Variants in ZSWIM5 observed in about 807,000 individuals in gnomAD.
ZSWIM5 encodes the protein zinc finger SWIM domain-containing protein 5.
A neutral mutation model predicts 119.6 loss-of-function variants in ZSWIM5; 55 were observed. The observed-to-expected ratio is 0.46, with a 90% CI of 0.37 to 0.58. ZSWIM5 has a LOEUF of 0.58. Among genes scored for constraint, ZSWIM5 ranks in the 20% least tolerant of loss-of-function variants. ZSWIM5 has a pLI of 0.00. For missense variants in ZSWIM5, 1,193 were observed against 1,512.8 expected, an observed-to-expected ratio of 0.79 and a Z score of 3.51; for synonymous variants, 537 against 606.9, an observed-to-expected ratio of 0.88 and a Z score of 1.69.
intron 11 of ZSWIM5, among the ~76,000 whole-genome samples, chr1:45,032,820 G>C (rs1225956544): frequency 6.6e-6 from 1 of 151,662 alleles, no homozygotes; most frequent in East Asian, 1.9e-4. Flanking sequence ...GTACTTTAAG[G>C]GTTTTTTTTC....
intron 1 of ZSWIM5, among the ~76,000 whole-genome samples, chr1:45,129,392 C>T (rs1052593817): frequency 6.6e-6 from 1 of 151,816 alleles, no homozygotes; most frequent in African/African-American, 2.4e-5. Flanking sequence ...ATCCTGACCT[C>T]GTGATCCGCC....
At chr1:45,037,981 A>T (rs1044948251) in intron 8 of ZSWIM5, among the ~76,000 whole-genome samples, 4 of 152,236 alleles carry the variant, frequency 2.6e-5, no homozygotes, top group African/African-American at 9.6e-5. Context: ...ACAAAGATAA[A>T]GAAGTCATAA....
At chr1:45,127,749 C>G (rs1645630278) in intron 1 of ZSWIM5, among the ~76,000 whole-genome samples, 3 of 152,004 alleles carry the variant, frequency 2.0e-5, no homozygotes, top group South Asian at 2.1e-4. Flanking sequence ...CTGTACAAAG[C>G]AGTGGTGAAT....
At chr1:45,114,204 G>T (rs1370635615) in intron 1 of ZSWIM5, among the ~76,000 whole-genome samples, 1 of 152,174 alleles carries the variant, frequency 6.6e-6, no homozygotes, top group Non-Finnish European at 1.5e-5. Flanking sequence ...CGGCATGGAA[G>T]GTTGGGGAGA....
At chr1:45,113,292 G>A (rs1448229087) in intron 1 of ZSWIM5, among the ~76,000 whole-genome samples, 1 of 152,206 alleles carries the variant, frequency 6.6e-6, no homozygotes, top group South Asian at 2.1e-4. Flanking sequence ...TGATATTGAA[G>A]AGGTAGGGAG....
At chr1:45,117,990 A>G (rs1645569048) in intron 1 of ZSWIM5, among the ~76,000 whole-genome samples, 1 of 151,964 alleles carries the variant, frequency 6.6e-6, no homozygotes, top group African/African-American at 2.4e-5. Flanking sequence ...AATCACTTGA[A>G]CCTGGGAGGC....
At chr1:45,153,093 T>TAAAAAAAAAAAAAAAAAA (rs76324771) in intron 1 of ZSWIM5, among the ~76,000 whole-genome samples, 2 of 105,868 alleles carry the variant, frequency 1.9e-5, no homozygotes, top group African/African-American at 3.2e-5. Flanking sequence ...ATTAAAAAGT[T>TAAAAAAAAAAAAAAAAAA]AAAAAAAAAA....
intron 4 of ZSWIM5, among the ~76,000 whole-genome samples, chr1:45,051,797 A>G (rs911780669): frequency 3.9e-5 from 6 of 152,192 alleles, no homozygotes; most frequent in Non-Finnish European, 5.9e-5. Context: ...AAATCATTCA[A>G]TTGTAAAACT....
At chr1:45,178,566 T>C (rs1570185538) in intron 1 of ZSWIM5, among the ~76,000 whole-genome samples, 1 of 152,178 alleles carries the variant, frequency 6.6e-6, no homozygotes, top group Non-Finnish European at 1.5e-5. Context: ...TAATGTAATA[T>C]CTTAAATTAC....
chr1:45,126,021 T>C (rs548746307), intron 1 of ZSWIM5, among the ~76,000 whole-genome samples: 42 of 152,040 alleles, frequency 2.8e-4, no homozygotes, highest in Non-Finnish European at 5.1e-4. Flanking sequence ...TGAGCCTTGA[T>C]TGCACCGCTG....
At chr1:45,195,871 T>C (rs1646119047) in intron 1 of ZSWIM5, among the ~76,000 whole-genome samples, 1 of 151,276 alleles carries the variant, frequency 6.6e-6, no homozygotes, top group Non-Finnish European at 1.5e-5. Context: ...ATTTTTCTTT[T>C]TCTTTTTTTT....
At chr1:45,182,833 G>C (rs984892621) in intron 1 of ZSWIM5, among the ~76,000 whole-genome samples, 1 of 152,130 alleles carries the variant, frequency 6.6e-6, no homozygotes, top group Non-Finnish European at 1.5e-5. Flanking sequence ...ACATTAGACA[G>C]ATCAACAAGA....
At chr1:45,148,535 T>C (rs1169562894) in intron 1 of ZSWIM5, among the ~76,000 whole-genome samples, 1 of 152,142 alleles carries the variant, frequency 6.6e-6, no homozygotes, top group Non-Finnish European at 1.5e-5. Context: ...CTGAAATAAT[T>C]GCTACATTTT....
At chr1:45,165,799 A>C (rs1360927977) in intron 1 of ZSWIM5, among the ~76,000 whole-genome samples, 1 of 152,166 alleles carries the variant, frequency 6.6e-6, no homozygotes, top group Non-Finnish European at 1.5e-5. Flanking sequence ...GACCAATAAC[A>C]GGCTCTGAAA....
At chr1:45,158,075 A>G (rs1292704618) in intron 1 of ZSWIM5, among the ~76,000 whole-genome samples, 1 of 152,194 alleles carries the variant, frequency 6.6e-6, no homozygotes, top group African/African-American at 2.4e-5. Flanking sequence ...CTTGTCAACT[A>G]TAAGTTTGGT....
chr1:45,079,344 C>T (rs896915733), intron 2 of ZSWIM5, among the ~76,000 whole-genome samples: 8 of 152,202 alleles, frequency 5.3e-5, no homozygotes, highest in African/African-American at 1.7e-4. Flanking sequence ...TTCACATGGA[C>T]GCGCATGACA....
At chr1:45,064,177 T>C (rs148400377) in intron 2 of ZSWIM5, among the ~76,000 whole-genome samples, 71 of 152,304 alleles carry the variant, frequency 4.7e-4, no homozygotes, top group Non-Finnish European at 8.2e-4. Context: ...AGGCAATAAC[T>C]CTATTTTTTG....
chr1:45,107,395 T>C (rs189190147), intron 1 of ZSWIM5, among the ~76,000 whole-genome samples: 3 of 151,994 alleles, frequency 2.0e-5, no homozygotes, highest in Admixed American at 2.0e-4. Flanking sequence ...TCCCAGTACT[T>C]TGGGAGGCTG....
intron 11 of ZSWIM5, among the ~76,000 whole-genome samples, chr1:45,030,906 C>T (rs971371762): frequency 1.3e-5 from 2 of 148,950 alleles, no homozygotes; most frequent in Admixed American, 1.3e-4. Flanking sequence ...AAGCAATTCT[C>T]CCTGCCTCAG....
Sources: gnomAD v4.1 joint callset for allele counts (sites outside exome capture counted in the v4.1 genomes callset) on GRCh38, gnomAD v4.1.1 for gene constraint, MANE v1.5 for transcripts, NCBI Gene and HGNC (gene_info 2026-07-23, HGNC 2026-07-21) for gene names.